Variants in MARCHF6 observed in about 807,000 individuals in gnomAD.
The protein encoded by MARCHF6 is membrane associated ring-CH-type finger 6, also known as E3 ubiquitin-protein ligase MARCHF6.
In MARCHF6, 31 loss-of-function variants were observed where a neutral mutation model predicts 133.7. That is an observed-to-expected ratio of 0.23 (90% confidence interval 0.17 to 0.31). The LOEUF is 0.31. MARCHF6 is among the 10% of genes least tolerant of loss of function. The probability of loss-of-function intolerance (pLI) is 1.00; values close to 1 mark genes in which losing one functional copy is unlikely to be tolerated. For missense variants in MARCHF6, 723 were observed against 1,121.6 expected, an observed-to-expected ratio of 0.64 and a Z score of 5.08; for synonymous variants, 395 against 402.5, an observed-to-expected ratio of 0.98 and a Z score of 0.22.
At chr5:10,356,093 G>A (rs1038076841) in intron 1 of MARCHF6, among the ~76,000 whole-genome samples, 1 of 152,000 alleles carries the variant, frequency 6.6e-6, no homozygotes, top group African/African-American at 2.4e-5. Flanking sequence ...ACACTTAAAG[G>A]AAAAGGGAGG....
At chr5:10,378,966 A>AT (rs1263893869) in intron 3 of MARCHF6, 134 bp downstream of exon 3, 16 of 520,528 alleles carry the variant, frequency 3.1e-5, no homozygotes, top group East Asian at 1.6e-4. Flanking sequence ...TTTCAGCTTG[A>AT]TTTTTTTTGA....
At chr5:10,405,799 C>G (rs1051472296) in intron 16 of MARCHF6, 122 bp downstream of exon 16, 49 of 798,634 alleles carry the variant, frequency 6.1e-5, no homozygotes, top group Non-Finnish European at 8.5e-5. Flanking sequence ...ATATATTTAT[C>G]TAAGCCTGTG....
intron 7 of MARCHF6, 132 bp from the exon 8 acceptor site, chr5:10,393,950 A>T: frequency 2.4e-6 from 1 of 414,916 alleles, no homozygotes; most frequent in Admixed American, 4.3e-5. Flanking sequence ...AATACTCAGT[A>T]TGGAAATGTG....
chr5:10,406,148 G>A (rs1247380069), intron 16 of MARCHF6, among the ~76,000 whole-genome samples: 3 of 152,172 alleles, frequency 2.0e-5, no homozygotes, highest in Admixed American at 2.0e-4. Context: ...CTGATGATCT[G>A]AAGCAGAACA....
rs752643750 is a variant in MARCHF6, at chr5:10,414,433, A to T, written c.1897A>T (p.Ile633Leu). Residue 633 changes from isoleucine (I) to leucine (L), a missense_variant and splice_region_variant, in exon 20 of 26, where the codon ATA becomes TTA. Around this residue, in one of 4 missense-constraint regions of MARCHF6, gnomAD observed 492 missense variants for 699.5 expected, o/e 0.70. Transcript: ENST00000274140. ...GCACTCCTTATGTTTTACTTTGCAG[A>T]TATTTCTGTTGATTGTCTTCATGTG... ...YRRPLNFPLRIFLLIVFMCIT... is the reference protein window; with the variant it reads ...YRRPLNFPLRLFLLIVFMCIT... 6.2e-7 allele frequency: 1 copy of T among 1,605,488 alleles called. No homozygotes were observed. The highest frequency in any genetic ancestry group is 8.5e-7 in the Non-Finnish European group (1 of 1,173,230).
At position 10,435,685 on chromosome 5, in the gene MARCHF6, ATATAT is replaced by A. The variant is rs1740617256; in HGVS notation, c.*2002_*2006del. ...TATATATATATATATATATATATAT[ATATAT>A]ATATATATTTTTTTTTTTTTTTTTT... On this transcript the variant is annotated 3_prime_UTR_variant, in exon 26 of 26. Transcript: ENST00000274140. The A allele has an allele frequency of 1.8e-4, 1 of 5,586 alleles. No homozygotes were observed. The highest frequency in any genetic ancestry group is 2.8e-4 in the Non-Finnish European group (1 of 3,572). The allele number at this position is 5,586 out of a possible 1,614,324, so 0.3% of individuals were successfully genotyped here. A position where few individuals can be genotyped will look rare whatever the true frequency, so the allele number is the denominator to read the frequency against.
intron 2 of MARCHF6, among the ~76,000 whole-genome samples, chr5:10,378,538 C>A (rs1302460577): frequency 2.6e-5 from 4 of 152,070 alleles, no homozygotes; most frequent in Non-Finnish European, 4.4e-5. Context: ...ATTAATTGAA[C>A]CTTTTTTAAT....
At chr5:10,360,030 T>C (rs1469089269) in intron 1 of MARCHF6, among the ~76,000 whole-genome samples, 1 of 151,976 alleles carries the variant, frequency 6.6e-6, no homozygotes, top group Non-Finnish European at 1.5e-5. Context: ...ACAATATGTG[T>C]ATTAATCTAC....
intron 4 of MARCHF6, among the ~76,000 whole-genome samples, chr5:10,386,341 T>A (rs1342214863): frequency 1.3e-5 from 2 of 152,224 alleles, no homozygotes; most frequent in African/African-American, 2.4e-5. Context: ...TTTTTATTCT[T>A]GTGCCCCATT....
intron 11 of MARCHF6, 178 bp from the exon 12 acceptor site, chr5:10,401,881 A>G (rs1160743670): frequency 1.7e-6 from 1 of 591,554 alleles, no homozygotes; most frequent in African/African-American, 1.9e-5. Flanking sequence ...AATATATAAC[A>G]GTCAGTGAGA....
rs777468334 is a variant in MARCHF6, at chr5:10,429,921, C to G, written c.2535C>G (p.Val845=). The part of the protein sequence containing the change: ...LGVTAEMQNL[V]HRRIYPFLLM... ...TTACTGCGGAAATGCAAAACTTAGTCCATCGGCGGATTTATCCATTTTTAC... is the reference window on the plus strand; with the variant it reads ...TTACTGCGGAAATGCAAAACTTAGTGCATCGGCGGATTTATCCATTTTTAC... The change falls in exon 25 of 26, where the codon GTC becomes GTG. Residue 845 remains valine, a synonymous_variant. Coordinates refer to ENST00000274140, the MANE Select transcript of MARCHF6 (RefSeq NM_005885.4). The G allele has an allele frequency of 6.2e-7, 1 of 1,613,312 alleles. No homozygotes were observed. Among genetic ancestry groups the G allele is most frequent in the South Asian group, 1.1e-5 (1 of 91,038 alleles).
At chr5:10,387,877 G>C (rs1223672797) in intron 5 of MARCHF6, among the ~76,000 whole-genome samples, 1 of 152,030 alleles carries the variant, frequency 6.6e-6, no homozygotes, top group East Asian at 1.9e-4. Flanking sequence ...AGCCAGGCTC[G>C]TCTCAAACTC....
chr5:10,414,569 G>GCAAGACTCTGTCAAA, intron 20 of MARCHF6, 67 bp downstream of exon 20: 3 of 1,282,168 alleles, frequency 2.3e-6, no homozygotes, highest in Non-Finnish European at 3.4e-6. Context: ...ATTTGACAGA[G>GCAAGACTCTGTCAAA]TCTTGCTCTG....
chr5:10,419,647 ATAAAGG>A (rs1332691671), intron 22 of MARCHF6, among the ~76,000 whole-genome samples: 1 of 151,868 alleles, frequency 6.6e-6, no homozygotes, highest in Admixed American at 6.6e-5. Context: ...ATGCCAGCAA[ATAAAGG>A]TAGAGAGATT....
chr5:10,362,599 T>C (rs955499641), intron 1 of MARCHF6, among the ~76,000 whole-genome samples: 3 of 152,252 alleles, frequency 2.0e-5, no homozygotes, highest in African/African-American at 7.2e-5. Context: ...TAACGTTATC[T>C]GGATTATTAT....
At chr5:10,359,570 TG>T (rs1175483316) in intron 1 of MARCHF6, among the ~76,000 whole-genome samples, 4 of 152,168 alleles carry the variant, frequency 2.6e-5, no homozygotes, top group African/African-American at 9.7e-5. Flanking sequence ...TTTTTTAAAT[TG>T]TTGTGAATTT....
intron 10 of MARCHF6, among the ~76,000 whole-genome samples, chr5:10,397,558 C>T (rs897466864): frequency 1.3e-5 from 2 of 152,000 alleles, no homozygotes; most frequent in African/African-American, 4.8e-5. Context: ...ACCTATCTCT[C>T]CCTCTGTTGG....
chr5:10,401,144 T>C (rs966198361), intron 11 of MARCHF6: 6 of 273,822 alleles, frequency 2.2e-5, no homozygotes, highest in Admixed American at 9.7e-5. Flanking sequence ...TGTTCTCTTC[T>C]TTCCCTTTCC....
chr5:10,380,156 TG>T (rs953726670), intron 3 of MARCHF6, among the ~76,000 whole-genome samples: 32 of 41,840 alleles, frequency 7.6e-4, no homozygotes, highest in Admixed American at 1.6e-3. Flanking sequence ...GTGTTTTAGT[TG>T]TGTGTGTGTG....
Sources: allele counts gnomAD v4.1 joint callset (sites outside exome capture counted in the v4.1 genomes callset), GRCh38; gene constraint gnomAD v4.1.1; regional missense constraint gnomAD v4.1.1; transcripts MANE v1.5; gene names NCBI Gene and HGNC (gene_info 2026-07-23, HGNC 2026-07-21).